Variants in UBE4B observed in about 807,000 individuals in gnomAD.
The protein encoded by UBE4B is ubiquitin conjugation factor E4 B.
A neutral mutation model predicts 148.1 loss-of-function variants in UBE4B; 27 were observed. The observed-to-expected ratio is 0.18, with a 90% CI of 0.13 to 0.25. The LOEUF is 0.25. Ranked by LOEUF, UBE4B falls within the 10% of genes least tolerant of loss-of-function variation. The probability of loss-of-function intolerance (pLI) is 1.00; values close to 1 mark genes in which losing one functional copy is unlikely to be tolerated. For synonymous variants in UBE4B, 596 were observed against 619.3 expected (o/e 0.96, Z 0.56); for missense variants, 1,170 against 1,662.4 (o/e 0.70, Z 5.15).
At chr1:10,171,717 T>C (rs1646341991) in intron 25 of UBE4B, among the ~76,000 whole-genome samples, 1 of 152,036 alleles carries the variant, frequency 6.6e-6, no homozygotes, top group African/African-American at 2.4e-5. Context: ...CCATCTCTAC[T>C]AAAGATACAA....
chr1:10,117,358 T>C (rs192290896), intron 7 of UBE4B, 101 bp from the exon 8 acceptor site: 604 of 1,477,810 alleles, frequency 4.1e-4, no homozygotes, highest in Non-Finnish European at 5.1e-4. Flanking sequence ...TGCTTTGTTA[T>C]GTGTACAGGG....
intron 1 of UBE4B, among the ~76,000 whole-genome samples, chr1:10,062,960 AAAAAAAAAAAAG>A (rs964552875): frequency 2.0e-5 from 3 of 151,592 alleles, no homozygotes; most frequent in Non-Finnish European, 4.4e-5. Context: ...CCGTCTCAAA[AAAAAAAAAAAAG>A]AAAAAGAAAA....
chr1:10,114,452 A>G (rs1048375793), intron 7 of UBE4B, among the ~76,000 whole-genome samples: 1 of 152,016 alleles, frequency 6.6e-6, no homozygotes, highest in African/African-American at 2.4e-5. Flanking sequence ...TGTTTGTTCT[A>G]GTGTGTGTTT....
rs1156757612 is a variant in UBE4B, at chr1:10,161,307, C to G, written c.3198+21C>G. The G allele has an allele frequency of 1.2e-6, 2 of 1,609,928 alleles. No homozygotes were observed. The highest frequency in any genetic ancestry group is 1.7e-6 in the Non-Finnish European group (2 of 1,177,282). ...CCCGGGTGAGGACGTGGTCCAGAGGCTTGGACAGCTTTGCAGGCCATCTGC... is the reference window on the plus strand; with the variant it reads ...CCCGGGTGAGGACGTGGTCCAGAGGGTTGGACAGCTTTGCAGGCCATCTGC... On this transcript the variant is annotated intron_variant, in intron 23 of 27. Coordinates refer to ENST00000343090, the MANE Select transcript of UBE4B (RefSeq NM_001105562.3). This position sits in a 1 kb window ranked among gnomAD's most constrained non-coding sequence, Gnocchi z 4.1.
At position 10,149,165 on chromosome 1, in the gene UBE4B, C is replaced by CT. The variant is rs144415688; in HGVS notation, c.2592-12dup. On this transcript the variant is annotated intron_variant, in intron 19 of 27. Transcript: ENST00000343090. ...CCATAATTTCATTTAATAAATTGTC[C>CT]TTTTTTTCTCTTTGACAGTATAACA... 7 of 1,538,182 alleles carry CT rather than the reference C, an allele frequency of 4.6e-6. No individual in the cohort carries two copies. The highest frequency in any genetic ancestry group is 4.6e-5 in the East Asian group (2 of 43,276).
chr1:10,079,971 G>C (rs775798148), intron 2 of UBE4B, among the ~76,000 whole-genome samples: 1 of 152,146 alleles, frequency 6.6e-6, no homozygotes, highest in Non-Finnish European at 1.5e-5. Context: ...GCCTCCAGGG[G>C]CTCACTGTTT....
chr1:10,119,074 G>A (rs1645366192), intron 8 of UBE4B, among the ~76,000 whole-genome samples: 3 of 151,048 alleles, frequency 2.0e-5, no homozygotes, highest in Admixed American at 2.0e-4. Context: ...GTAGAGATGG[G>A]GTTTCACCAT....
At chr1:10,075,349 C>A (rs987674630) in intron 2 of UBE4B, among the ~76,000 whole-genome samples, 1 of 152,182 alleles carries the variant, frequency 6.6e-6, no homozygotes, top group Admixed American at 6.5e-5. Context: ...CTTCTCATCA[C>A]CTCCACCGCT....
rs146421763 is a variant in UBE4B, at chr1:10,104,878, A to C, written c.581-638A>C. 7.9e-5 allele frequency among the ~76,000 whole-genome samples: 12 copies of C among 152,354 alleles called. 1 individual carries two copies. The highest frequency in any genetic ancestry group is 2.9e-4 in the African/African-American group (12 of 41,586). On this transcript the variant is annotated intron_variant, in intron 5 of 27. Coordinates refer to ENST00000343090, the MANE Select transcript of UBE4B (RefSeq NM_001105562.3). ...CAATTTTAAATAACCAAATCAGATAAAATTTCCATGAGTTAAAACTTTTGT... is the reference window on the plus strand; with the variant it reads ...CAATTTTAAATAACCAAATCAGATACAATTTCCATGAGTTAAAACTTTTGT...
At chr1:10,148,828 T>C (rs769408752) in intron 19 of UBE4B, among the ~76,000 whole-genome samples, 1 of 151,562 alleles carries the variant, frequency 6.6e-6, no homozygotes, top group African/African-American at 2.4e-5. Context: ...TAATCTCAGC[T>C]ATTCGGGAGG....
chr1:10,158,242 C>T (rs1212562928), intron 21 of UBE4B, 114 bp from the exon 22 acceptor site: 2 of 1,355,808 alleles, frequency 1.5e-6, no homozygotes, highest in African/African-American at 3.0e-5. Flanking sequence ...CAAAATTTCA[C>T]CAGCTCTCTG....
intron 12 of UBE4B, among the ~76,000 whole-genome samples, 178 bp from the exon 13 acceptor site, chr1:10,130,322 C>CCACCCA (rs1446587907): frequency 2.0e-5 from 3 of 152,110 alleles, no homozygotes; most frequent in Non-Finnish European, 4.4e-5. Context: ...TGACCCACCC[C>CCACCCA]CACCCACACT....
At chr1:10,089,074 T>G (rs1014880801) in intron 2 of UBE4B, among the ~76,000 whole-genome samples, 1 of 152,102 alleles carries the variant, frequency 6.6e-6, no homozygotes, top group Non-Finnish European at 1.5e-5. Flanking sequence ...TGGCGCGATC[T>G]CAGCTCACTG....
At chr1:10,116,794 G>A (rs1458328286) in intron 7 of UBE4B, among the ~76,000 whole-genome samples, 1 of 152,190 alleles carries the variant, frequency 6.6e-6, no homozygotes, top group East Asian at 1.9e-4. Flanking sequence ...AGAGATGGAG[G>A]TTCTAGCTTC....
At chr1:10,064,510 T>A (rs1274118768) in intron 1 of UBE4B, among the ~76,000 whole-genome samples, 1 of 152,146 alleles carries the variant, frequency 6.6e-6, no homozygotes, top group Non-Finnish European at 1.5e-5. Context: ...AACCTAGGGA[T>A]AGAAAGATAG....
intron 2 of UBE4B, among the ~76,000 whole-genome samples, chr1:10,091,866 A>G (rs774773556): frequency 6.6e-6 from 1 of 151,954 alleles, no homozygotes; most frequent in Non-Finnish European, 1.5e-5. Context: ...TGGCCTCTCA[A>G]AAGTGCTGAG....
chr1:10,076,820 C>T (rs1384135163), intron 2 of UBE4B, among the ~76,000 whole-genome samples: 2 of 144,932 alleles, frequency 1.4e-5, no homozygotes, highest in Non-Finnish European at 3.0e-5. Context: ...GATCTCGACT[C>T]TCTGTAACCT....
chr1:10,103,626 G>GTTTTTTTTTTTTTTTT (rs1279924321), intron 5 of UBE4B, among the ~76,000 whole-genome samples: 1 of 117,080 alleles, frequency 8.5e-6, no homozygotes. Flanking sequence ...TGTTTGTTTT[G>GTTTTTTTTTTTTTTTT]TTTTTGTTTT....
At chr1:10,154,575 C>A (rs1420609457) in intron 21 of UBE4B, among the ~76,000 whole-genome samples, 1 of 151,684 alleles carries the variant, frequency 6.6e-6, no homozygotes, top group Admixed American at 6.6e-5. Flanking sequence ...CAGTGACTCA[C>A]GCCTGTAATC....
Sources: gnomAD v4.1 joint callset for allele counts (sites outside exome capture counted in the v4.1 genomes callset) on GRCh38, gnomAD v4.1.1 for gene constraint, Gnocchi (gnomAD v3.1) non-coding constraint, MANE v1.5 for transcripts, NCBI Gene and HGNC (gene_info 2026-07-23, HGNC 2026-07-21) for gene names.